PALM3: variants seen among roughly 807,000 people sequenced by gnomAD.
The protein encoded by PALM3 is paralemmin-3.
Under a neutral mutation model 27.9 loss-of-function variants are expected in PALM3, and 20 were observed. The observed-to-expected ratio is 0.72, with a 90% CI of 0.50 to 1.04. The LOEUF (loss-of-function observed/expected upper bound fraction) is 1.04. PALM3 is among the 50% of genes least tolerant of loss of function. The pLI, the probability that PALM3 is intolerant of heterozygous loss-of-function variation, is 0.00. For synonymous variants in PALM3, 328 were observed against 352.7 expected (o/e 0.93, Z 0.79); for missense variants, 814 against 869.4 (o/e 0.94, Z 0.80).
At chr19:14,061,475 C>T (rs555198014) in intron 1 of PALM3, among the ~76,000 whole-genome samples, 3 of 152,310 alleles carry the variant, frequency 2.0e-5, no homozygotes, top group East Asian at 1.9e-4. Flanking sequence ...TCTGGCCACC[C>T]GCAAGAGTTG....
chr19:14,061,283 T>C (rs553075164), intron 1 of PALM3, among the ~76,000 whole-genome samples: 6 of 152,272 alleles, frequency 3.9e-5, no homozygotes, highest in Admixed American at 2.0e-4. Flanking sequence ...AGGAACCGAA[T>C]TGGGGTCCCT....
intron 5 of PALM3, among the ~76,000 whole-genome samples, chr19:14,055,849 C>T (rs1976295353): frequency 6.6e-6 from 1 of 152,092 alleles, no homozygotes; most frequent in Non-Finnish European, 1.5e-5. Context: ...CTCCTGGTTT[C>T]AAACGATTTC....
rs1976420632 is a variant in PALM3 at position 14,061,960 on chromosome 19, C to G, written c.21G>C (p.Val7=). ...CTTACATGGGTGTGGCCAGAGACCA[C>G]ACCTGGCTCTGCAGGGCCATCTCTG... The part of the protein sequence containing the change: MALQSQ[V]WSLATPMPMA... Residue 7 remains valine (V), a synonymous_variant, in exon 1 of 7, where the codon GTG becomes GTC. Transcript: ENST00000669674. The G allele has an allele frequency of 1.0e-6, 1 of 985,264 alleles. No homozygotes were observed. Among genetic ancestry groups the G allele is most frequent in the Non-Finnish European group, 1.2e-6 (1 of 829,904 alleles). 61.0% of individuals were successfully genotyped at this position (985,264 alleles called of 1,614,324 possible). A position where few individuals can be genotyped will look rare whatever the true frequency, so the allele number is the denominator to read the frequency against.
chr19:14,057,335 C>T lies in PALM3; in HGVS notation c.171+16G>A. 6.5e-7 allele frequency: 1 copy of T among 1,532,326 alleles called. No homozygotes were observed. The highest frequency in any genetic ancestry group is 8.8e-7 in the Non-Finnish European group (1 of 1,136,668). 94.9% of individuals were successfully genotyped at this position (1,532,326 alleles called of 1,614,324 possible). On this transcript the variant is annotated intron_variant, in intron 3 of 6. Transcript: ENST00000669674. ...CCATTCCCCAGGCTAGGCAGGCGCC[C>T]CCGCCCGCCCCCAACCTTGAGACGC... is the stretch of plus-strand genomic sequence containing the variant.
chr19:14,055,685 G>A (rs1479000607), intron 5 of PALM3, among the ~76,000 whole-genome samples: 1 of 152,160 alleles, frequency 6.6e-6, no homozygotes. Context: ...TCAGTTACTG[G>A]TTACCATGCA....
rs2145703583 is a variant in PALM3 at position 14,056,479 on chromosome 19, A to G, written c.349T>C (p.Ser117Pro). The G allele has an allele frequency of 6.4e-7, 1 of 1,551,656 alleles. No homozygotes were observed. The highest frequency in any genetic ancestry group is 1.4e-5 in the African/African-American group (1 of 73,158). Residue 117 changes from serine to proline, a missense_variant, in exon 5 of 7, where the codon TCC becomes CCC. Coordinates refer to ENST00000669674, the MANE Select transcript of PALM3 (RefSeq NM_001145028.2). ...QSQLQLLQSA[S>P]TGAQHKPSGR... is the part of the protein sequence containing the mutation. ...GAGGGCTTGTGCTGGGCACCTGTGG[A>G]AGCACTTTGCAACAGTTGCAGCTGG...
intron 2 of PALM3, among the ~76,000 whole-genome samples, chr19:14,057,801 G>A (rs1450183764): frequency 6.6e-6 from 1 of 152,070 alleles, no homozygotes; most frequent in African/African-American, 2.4e-5. Context: ...GAGGTTAAGA[G>A]AAATGGGGAT....
At chr19:14,059,277 C>T in intron 1 of PALM3, 114 bp from the exon 2 acceptor site, 1 of 1,005,142 alleles carries the variant, frequency 9.9e-7, no homozygotes, top group Non-Finnish European at 1.4e-6. Flanking sequence ...GCCTCTGTTT[C>T]CCCTTTGCAC....
In PALM3 at chr19:14,054,996, C is replaced by T; in HGVS notation, c.676G>A (p.Glu226Lys). 1 of 1,548,656 alleles carries T rather than the reference C, an allele frequency of 6.5e-7. No individual in the cohort carries two copies. Among genetic ancestry groups the T allele is most frequent in the South Asian group, 1.2e-5 (1 of 83,644 alleles). ...CTCACCACGCCCCCTCCTTTGGCCTCACCCACCCGCCCTTCGGATGGCACT... is the reference window on the plus strand; with the variant it reads ...CTCACCACGCCCCCTCCTTTGGCCTTACCCACCCGCCCTTCGGATGGCACT... ...RAVPSEGRVG[E>K]AKGGGVVSVV... Residue 226 changes from glutamate to lysine, a missense_variant, in exon 7 of 7, where the codon GAG (glutamate) becomes AAG (lysine). Glu to Lys is a moderately conservative substitution (Grantham distance 56). Transcript: ENST00000669674.
rs1189640603 is a variant in PALM3, at chr19:14,058,107, C to CA, written c.91-677dup. 2.0e-5 allele frequency among the ~76,000 whole-genome samples: 3 copies of CA among 149,938 alleles called. No homozygotes were observed. The East Asian group carries it at 5.9e-4, about 30-fold the overall frequency. On this transcript the variant is annotated intron_variant, in intron 2 of 6. Coordinates refer to ENST00000669674, the MANE Select transcript of PALM3 (RefSeq NM_001145028.2). ...TGGGCGACAGAGCGAGACTCCGTCT[C>CA]AAAAAAAGAAAAAAGGAGGGGAGGG... is the stretch of plus-strand genomic sequence containing the variant.
At position 14,054,746 on chromosome 19, in the gene PALM3, C is replaced by G; in HGVS notation, c.926G>C (p.Arg309Thr). The stretch of plus-strand genomic sequence containing the variant: ...GCTAGTCTGCACGACCTCAGGGACC[C>G]TGCCTATCTCCCCCATGGCCTCTGC... ...SDAEAMGEIG[R>T]VPEVVQTSSP... The change falls in exon 7 of 7, where the codon AGG (arginine) becomes ACG (threonine). Residue 309 changes from arginine (R) to threonine (T), a missense_variant. Physicochemically the swap from Arg to Thr is moderately conservative, Grantham distance 71 (BLOSUM62 -1). Coordinates refer to ENST00000669674, the MANE Select transcript of PALM3 (RefSeq NM_001145028.2). The G allele has an allele frequency of 6.4e-7, 1 of 1,551,854 alleles. No homozygotes were observed.
rs1387258815 is a variant in PALM3 at position 14,056,702 on chromosome 19, C to A, written c.274G>T (p.Ala92Ser). 18 of 1,551,658 alleles carry A rather than the reference C, an allele frequency of 1.2e-5. No individual in the cohort carries two copies. The Admixed American group carries it at 3.1e-4, about 27-fold the overall frequency. ...TCCAGGTTCCGGATTCGGGCCTGAG[C>A]CTGGCCCTCGGGTGACTGGGGGTCC... ...SKDPQSPEGQ[A>S]QARIRNLEDS... Residue 92 changes from alanine to serine, a missense_variant, in exon 4 of 7, where the codon GCT becomes TCT. Ala to Ser is a moderately conservative substitution (Grantham distance 99, BLOSUM62 1). Coordinates refer to ENST00000669674, the MANE Select transcript of PALM3 (RefSeq NM_001145028.2).
Position 14,055,150 on chromosome 19 carries a change from G to A in PALM3, c.522C>T (p.Pro174=). 6.5e-7 allele frequency: 1 copy of A among 1,549,196 alleles called. No individual in the cohort carries two copies. The change falls in exon 7 of 7, where the codon CCC becomes CCT. Residue 174 remains proline (P), a synonymous_variant. Coordinates refer to ENST00000669674, the MANE Select transcript of PALM3 (RefSeq NM_001145028.2). ...GCAGAAACCCCAAGACATCCTCCCTGGGCTCAGAGGGGGACTCTGGAGGCG... is the reference window on the plus strand; with the variant it reads ...GCAGAAACCCCAAGACATCCTCCCTAGGCTCAGAGGGGGACTCTGGAGGCG... ...VGTPPESPSE[P]REDVLGFLPG...
At position 14,056,804 on chromosome 19, in the gene PALM3, T is replaced by C; in HGVS notation, c.172A>G (p.Arg58Gly). ...AGCCAACGTTCCCGGAGAGACTTCC[T>C]CTGGGCAGGGGAAGGGAGTTGGGGC... ...EEKLRVERLK[R>G]KSLRERWLMD... Residue 58 changes from arginine to glycine, a missense_variant and splice_region_variant, in exon 4 of 7, where the codon AGG becomes GGG. Coordinates refer to ENST00000669674, the MANE Select transcript of PALM3 (RefSeq NM_001145028.2). 1 of 1,545,874 alleles carries C rather than the reference T, an allele frequency of 6.5e-7. No homozygotes were observed. The highest frequency in any genetic ancestry group is 1.2e-5 in the South Asian group (1 of 83,002).
chr19:14,054,915 G>C lies in PALM3; in HGVS notation c.757C>G (p.Pro253Ala), dbSNP rs1324661666. 2 of 1,549,142 alleles carry C rather than the reference G, an allele frequency of 1.3e-6. No individual in the cohort carries two copies. The highest frequency in any genetic ancestry group is 1.7e-6 in the Non-Finnish European group (2 of 1,146,932). ...TCCTCCACCTTAGCCTCCAGCTCGG[G>C]GCCCGTGGCCCCTGTGGCACAGTCC... is the stretch of plus-strand genomic sequence containing the variant. ...TEDCATGATG[P>A]ELEAKVEEVV... Residue 253 changes from proline (P) to alanine (A), a missense_variant, in exon 7 of 7, where the codon CCC becomes GCC. By Grantham distance (27) the Pro-to-Ala change is conservative. Transcript: ENST00000669674.
In PALM3 at chr19:14,056,445, G is replaced by T; in HGVS notation, c.383C>A (p.Pro128His). ...CCCCCTCACCTGTCTGCGCCAGCTG[G>T]GCCTGCCTGAGGGCTTGTGCTGGGC... ...TGAQHKPSGR[P>H]SWRRQGHRPL... The change falls in exon 5 of 7, where the codon CCC becomes CAC. Residue 128 changes from proline to histidine, a missense_variant. Pro to His is a moderately conservative substitution (Grantham distance 77). Coordinates refer to ENST00000669674, the MANE Select transcript of PALM3 (RefSeq NM_001145028.2). The T allele has an allele frequency of 6.4e-7, 1 of 1,551,472 alleles. No homozygotes were observed. Among genetic ancestry groups the T allele is most frequent in the Non-Finnish European group, 8.7e-7 (1 of 1,146,836 alleles).
chr19:14,053,542 C>G lies in PALM3; in HGVS notation c.*63G>C. ...CCCTGTCTGTGCCTGGGACCCTCTT[C>G]TGGGTGCCAAGAGGCCGAGGTAGCT... On this transcript the variant is annotated 3_prime_UTR_variant, in exon 7 of 7. Coordinates refer to ENST00000669674, the MANE Select transcript of PALM3 (RefSeq NM_001145028.2). The G allele has an allele frequency of 7.0e-7, 1 of 1,427,670 alleles. No homozygotes were observed. The highest frequency in any genetic ancestry group is 9.2e-7 in the Non-Finnish European group (1 of 1,088,798). 88.4% of individuals were successfully genotyped at this position (1,427,670 alleles called of 1,614,324 possible).
At position 14,056,734 on chromosome 19, in the gene PALM3, G is replaced by C. The variant is rs971966301; in HGVS notation, c.242C>G (p.Thr81Ser). 6.4e-7 allele frequency: 1 copy of C among 1,551,610 alleles called. No homozygotes were observed. Among genetic ancestry groups the C allele is most frequent in the Non-Finnish European group, 8.7e-7 (1 of 1,146,992 alleles). ...AAVPEPSEDP[T>S]SKDPQSPEGQ... ...CTCGGGTGACTGGGGGTCCTTCGAG[G>C]TGGGGTCTTCGGATGGCTCTGGCAC... The change falls in exon 4 of 7, where the codon ACC (threonine) becomes AGC (serine). Residue 81 changes from threonine (T) to serine (S), a missense_variant. Transcript: ENST00000669674.
At position 14,058,470 on chromosome 19, in the gene PALM3, A is replaced by G. The variant is rs1002018196; in HGVS notation, c.90+645T>C. ...GGGTCCGGAGAGATGGGGTGCAGAG[A>G]TGGGGATCAAAAGGAGGATGCTAGT... On this transcript the variant is annotated intron_variant, in intron 2 of 6. Coordinates refer to ENST00000669674, the MANE Select transcript of PALM3 (RefSeq NM_001145028.2). Among the ~76,000 whole-genome samples, 28 of 151,238 alleles carry G rather than the reference A, an allele frequency of 1.9e-4. 1 individual carries two copies. The East Asian group carries it at 4.7e-3, about 25-fold the overall frequency.
Sources: gnomAD v4.1 joint callset for allele counts (sites outside exome capture counted in the v4.1 genomes callset) on GRCh38, gnomAD v4.1.1 for gene constraint, MANE v1.5 for transcripts, NCBI Gene and HGNC (gene_info 2026-07-23, HGNC 2026-07-21) for gene names.